The following GLIS3 variants were observed in gnomAD, a reference collection of about 807,000 sequenced individuals.
GLIS3 encodes the protein zinc finger protein GLIS3.
A neutral mutation model predicts 78.6 loss-of-function variants in GLIS3; 53 were observed. The ratio of observed to expected loss-of-function variants is 0.67; its 90% confidence interval spans 0.54 to 0.85. The LOEUF (loss-of-function observed/expected upper bound fraction) is 0.85, where lower values mean the gene tolerates loss of function less well. GLIS3 is among the 40% of genes least tolerant of loss of function. The pLI is 0.00. For synonymous variants in GLIS3, 684 were observed against 509.9 expected (o/e 1.34, Z -4.60); for missense variants, 1,703 against 1,231.1 (o/e 1.38, Z -5.74).
Position 4,310,783 on chromosome 9 carries a change from C to T in GLIS3, n.265-255G>A, listed in dbSNP as rs528341067. On this transcript the variant is annotated intron_variant and non_coding_transcript_variant, in intron 2 of 4. Coordinates refer to the GLIS3 transcript ENST00000471664. ...GGGAAGGTGATGAGGACTTGATCAG[C>T]ACATACAGTCTCTGAAGCACTTTCC... 6.6e-5 allele frequency among the ~76,000 whole-genome samples: 10 copies of T among 152,254 alleles called. No homozygotes were observed. In the South Asian group the frequency reaches 2.1e-3, roughly 32 times the overall value.
At chr9:3,852,208 A>T (rs1199126874) in intron 9 of GLIS3, among the ~76,000 whole-genome samples, 1 of 151,966 alleles carries the variant, frequency 6.6e-6, no homozygotes, top group African/African-American at 2.4e-5. Context: ...GCACCTGCAT[A>T]GTTTGCTAAG....
At position 4,321,973 on chromosome 9, in the gene GLIS3, C is replaced by T. The variant is rs550698951; in HGVS notation, n.265-11445G>A. On this transcript the variant is annotated intron_variant and non_coding_transcript_variant, in intron 2 of 4. Coordinates refer to the GLIS3 transcript ENST00000471664. The stretch of plus-strand genomic sequence containing the variant: ...ATACAAGTGCAGTGTTGGTGAGCTG[C>T]ACCCATTAACTAGTCATTCACATTA... Among the ~76,000 whole-genome samples, 49 of 152,222 alleles carry T rather than the reference C, an allele frequency of 3.2e-4. 1 individual carries two copies. The South Asian group carries it at 1.0e-2, about 31-fold the overall frequency.
At chr9:4,345,034 A>T (rs1430585277) in intron 2 of GLIS3, among the ~76,000 whole-genome samples, 1 of 152,138 alleles carries the variant, frequency 6.6e-6, no homozygotes, top group East Asian at 1.9e-4. Context: ...TCTTCAGTCT[A>T]TTGTTAGTAC....
chr9:4,011,429 G>A (rs2130033247), intron 4 of GLIS3, among the ~76,000 whole-genome samples: 1 of 152,334 alleles, frequency 6.6e-6, no homozygotes, highest in South Asian at 2.1e-4. Context: ...GAGGCACTCG[G>A]CATTCAGTGG....
chr9:4,254,366 T>C (rs988682315), intron 2 of GLIS3, among the ~76,000 whole-genome samples: 5 of 152,086 alleles, frequency 3.3e-5, no homozygotes, highest in African/African-American at 7.2e-5. Context: ...TCTTGAGAAA[T>C]ACAGAATTTT....
At chr9:4,045,781 T>G (rs1825199430) in intron 4 of GLIS3, among the ~76,000 whole-genome samples, 1 of 152,040 alleles carries the variant, frequency 6.6e-6, no homozygotes, top group African/African-American at 2.4e-5. Flanking sequence ...ATATTATGAG[T>G]CCTTGCAACA....
intron 2 of GLIS3, among the ~76,000 whole-genome samples, chr9:4,319,898 G>A (rs911482114): frequency 2.0e-5 from 3 of 152,060 alleles, no homozygotes; most frequent in Non-Finnish European, 4.4e-5. Context: ...TTTAGAACCA[G>A]AATTCTAATC....
the GLIS3 span, among the ~76,000 whole-genome samples, chr9:4,388,507 C>A: frequency 6.6e-6 from 1 of 151,740 alleles, no homozygotes; most frequent in African/African-American, 2.4e-5. Flanking sequence ...GAAACCCTGT[C>A]TCTACTAAAA....
At chr9:4,199,028 C>T (rs548119083) in intron 2 of GLIS3, among the ~76,000 whole-genome samples, 2 of 152,280 alleles carry the variant, frequency 1.3e-5, no homozygotes, top group South Asian at 4.1e-4. Flanking sequence ...GAATTCACCA[C>T]CACTGGACCA....
the GLIS3 span, among the ~76,000 whole-genome samples, chr9:4,370,193 A>AC: frequency 6.6e-6 from 1 of 151,520 alleles, no homozygotes; most frequent in Non-Finnish European, 1.5e-5. Context: ...CAAAAAAAAA[A>AC]AAAAAAAAAA....
At chr9:4,374,817 T>C in the GLIS3 span, among the ~76,000 whole-genome samples, 1 of 152,272 alleles carries the variant, frequency 6.6e-6, no homozygotes, top group African/African-American at 2.4e-5. Context: ...CACTTATTTA[T>C]TGCACGCATC....
At chr9:3,878,214 A>G (rs1392290092) in intron 8 of GLIS3, among the ~76,000 whole-genome samples, 1 of 152,000 alleles carries the variant, frequency 6.6e-6, no homozygotes. Flanking sequence ...AGACAGATTT[A>G]GAGACATCCT....
At chr9:4,379,252 C>A in the GLIS3 span, among the ~76,000 whole-genome samples, 1 of 152,182 alleles carries the variant, frequency 6.6e-6, no homozygotes, top group Non-Finnish European at 1.5e-5. Flanking sequence ...CCCCATGTCT[C>A]ATTTGCTGGC....
chr9:4,376,667 AC>A, the GLIS3 span, among the ~76,000 whole-genome samples: 1 of 134,436 alleles, frequency 7.4e-6, no homozygotes, highest in Non-Finnish European at 1.7e-5. Context: ...TAACTTTTTC[AC>A]CCTGACAAAA....
chr9:4,102,933 T>G (rs1830482041), intron 4 of GLIS3, among the ~76,000 whole-genome samples: 1 of 151,892 alleles, frequency 6.6e-6, no homozygotes, highest in African/African-American at 2.4e-5. Context: ...AAGTAGGTGT[T>G]GGAAAGACAG....
At chr9:4,261,922 T>C (rs1310025649) in intron 2 of GLIS3, among the ~76,000 whole-genome samples, 4 of 152,238 alleles carry the variant, frequency 2.6e-5, no homozygotes. Flanking sequence ...CCTGTAATAC[T>C]GTCTCCAAAG....
chr9:3,895,197 A>C (rs1380092687), intron 7 of GLIS3, among the ~76,000 whole-genome samples: 1 of 152,276 alleles, frequency 6.6e-6, no homozygotes, highest in African/African-American at 2.4e-5. Flanking sequence ...ATATACAAGC[A>C]CTAAGCCTTG....
intron 9 of GLIS3, among the ~76,000 whole-genome samples, chr9:3,832,818 A>T (rs760809459): frequency 5.3e-5 from 8 of 152,214 alleles, no homozygotes; most frequent in Non-Finnish European, 1.2e-4. Flanking sequence ...TCAGCGTAAT[A>T]TCAACCTTCC....
chr9:4,306,778 T>C (rs922617650), intron 4 of GLIS3, among the ~76,000 whole-genome samples: 1 of 152,190 alleles, frequency 6.6e-6, no homozygotes, highest in Non-Finnish European at 1.5e-5. Context: ...CCCACCCCCA[T>C]GCTTTCCTGT....
Sources: allele counts gnomAD v4.1 joint callset (sites outside exome capture counted in the v4.1 genomes callset), GRCh38; gene constraint gnomAD v4.1.1; transcripts MANE v1.5; gene names NCBI Gene and HGNC (gene_info 2026-07-23, HGNC 2026-07-21).